Variants in ATF7IP observed in about 807,000 individuals in gnomAD.
ATF7IP encodes the protein activating transcription factor 7 interacting protein.
In ATF7IP, 23 loss-of-function variants were observed where a neutral mutation model predicts 106.4. That is an observed-to-expected ratio of 0.22 (90% CI 0.16 to 0.31). The LOEUF is 0.31. Among genes scored for constraint, ATF7IP ranks in the 10% least tolerant of loss-of-function variants. ATF7IP has a pLI of 1.00. For synonymous variants in ATF7IP, 542 were observed against 539.0 expected (o/e 1.01, Z -0.08); for missense variants, 1,334 against 1,524.3 (o/e 0.88, Z 2.08).
chr12:14,399,339 TG>T (rs979868234), intron 1 of ATF7IP, among the ~76,000 whole-genome samples: 2 of 152,000 alleles, frequency 1.3e-5, no homozygotes, highest in Admixed American at 6.5e-5. Flanking sequence ...TTGAGGATAT[TG>T]TTTTTTTTTT....
rs751757758 is a variant in ATF7IP, at chr12:14,461,073, A to G, written c.2737A>G (p.Ile913Val). The G allele has an allele frequency of 8.1e-6, 13 of 1,614,014 alleles. No homozygotes were observed. Among genetic ancestry groups the G allele is most frequent in the African/African-American group, 2.7e-5 (2 of 74,920 alleles). Residue 913 changes from isoleucine to valine, a missense_variant, in exon 9 of 15, where the codon ATT becomes GTT. Physicochemically the swap from Ile to Val is conservative, Grantham distance 29. Coordinates refer to ENST00000261168, the MANE Select transcript of ATF7IP (RefSeq NM_018179.5). ...NRGPIQMKIPISAFSTSSAAE... is the reference protein window; with the variant it reads ...NRGPIQMKIPVSAFSTSSAAE... Reference sequence around the variant, plus strand: ...AGGTCCTATACAGATGAAAATTCCAATTTCTGCATTTAGTACTTCGTCTGC... The same window carrying G: ...AGGTCCTATACAGATGAAAATTCCAGTTTCTGCATTTAGTACTTCGTCTGC...
At chr12:14,472,743 C>G (rs1210655609) in intron 10 of ATF7IP, among the ~76,000 whole-genome samples, 1 of 152,120 alleles carries the variant, frequency 6.6e-6, no homozygotes. Context: ...TGCATATATT[C>G]TTATGTCTGG....
intron 1 of ATF7IP, among the ~76,000 whole-genome samples, chr12:14,394,501 G>A (rs1263712372): frequency 1.3e-5 from 2 of 152,132 alleles, no homozygotes; most frequent in Non-Finnish European, 2.9e-5. Flanking sequence ...TACATGTTGG[G>A]GAACGAATGG....
intron 1 of ATF7IP, among the ~76,000 whole-genome samples, chr12:14,421,450 G>T (rs1941501050): frequency 6.6e-6 from 1 of 152,202 alleles, no homozygotes; most frequent in Non-Finnish European, 1.5e-5. Context: ...GCTGAGGGAA[G>T]GATCTGTTCC....
chr12:14,466,236 G>C (rs1456412205), intron 9 of ATF7IP: 2 of 264,240 alleles, frequency 7.6e-6, no homozygotes, highest in African/African-American at 4.5e-5. Flanking sequence ...CCTCATGTTA[G>C]AACATTTAAG....
At chr12:14,486,026 C>T (rs1048269342) in intron 13 of ATF7IP, among the ~76,000 whole-genome samples, 1 of 152,176 alleles carries the variant, frequency 6.6e-6, no homozygotes, top group African/African-American at 2.4e-5. Flanking sequence ...GCTCTAATGG[C>T]TTCCATTTGA....
At chr12:14,488,743 A>G (rs1200601448) in intron 13 of ATF7IP, among the ~76,000 whole-genome samples, 2 of 152,334 alleles carry the variant, frequency 1.3e-5, no homozygotes, top group South Asian at 2.1e-4. Context: ...ACTTATGCCT[A>G]ACATAATACA....
rs919367020 is a variant in ATF7IP at position 14,502,236 on chromosome 12, G to A, written c.*4163G>A. 2 of 152,042 alleles carry A rather than the reference G, an allele frequency of 1.3e-5. No homozygotes were observed. Among genetic ancestry groups the A allele is most frequent in the Non-Finnish European group, 2.9e-5 (2 of 68,014 alleles). 9.4% of individuals were successfully genotyped at this position (152,042 alleles called of 1,614,324 possible). A position where few individuals can be genotyped will look rare whatever the true frequency, so the allele number is the denominator to read the frequency against. On this transcript the variant is annotated 3_prime_UTR_variant, in exon 15 of 15. Transcript: ENST00000261168. Reference sequence around the variant, plus strand: ...TTCTACCTTCCTTACTATTTTTACTGGGCAAATGCCCTATTTTTTTAATTA... The same window carrying A: ...TTCTACCTTCCTTACTATTTTTACTAGGCAAATGCCCTATTTTTTTAATTA...
chr12:14,376,392 G>A (rs777107616), intron 1 of ATF7IP, among the ~76,000 whole-genome samples: 6 of 152,092 alleles, frequency 3.9e-5, no homozygotes, highest in African/African-American at 7.2e-5. Flanking sequence ...TTTCCGATTT[G>A]GTATATTTTC....
At chr12:14,497,067 T>C (rs1174666529) in intron 14 of ATF7IP, among the ~76,000 whole-genome samples, 1 of 152,226 alleles carries the variant, frequency 6.6e-6, no homozygotes, top group Non-Finnish European at 1.5e-5. Flanking sequence ...TTGCTCATGC[T>C]TTATTTTTGG....
intron 13 of ATF7IP, among the ~76,000 whole-genome samples, chr12:14,494,071 A>T (rs757310256): frequency 2.0e-5 from 3 of 151,580 alleles, no homozygotes; most frequent in Non-Finnish European, 4.4e-5. Context: ...ATTTTGCATA[A>T]CCCTCTAAAC....
At chr12:14,368,285 C>G (rs184197731) in intron 1 of ATF7IP, among the ~76,000 whole-genome samples, 179 of 152,074 alleles carry the variant, frequency 1.2e-3, no homozygotes, top group African/African-American at 4.1e-3. Flanking sequence ...AATTTCATTT[C>G]TACTCTTTTA....
Position 14,492,387 on chromosome 12 carries a change from TG to T in ATF7IP, c.3281-3840del, listed in dbSNP as rs530809938. On this transcript the variant is annotated intron_variant, in intron 13 of 14. Coordinates refer to ENST00000261168, the MANE Select transcript of ATF7IP (RefSeq NM_018179.5). ...CCTGGTAAAAGGCCAGAGATCTCCT[TG>T]GGGAAGGATGGGAGAAAGATTCACT... Among the ~76,000 whole-genome samples the T allele has an allele frequency of 1.4e-4, 22 of 152,144 alleles. No individual in the cohort carries two copies. In the East Asian group the frequency reaches 3.7e-3, roughly 25 times the overall value.
intron 1 of ATF7IP, among the ~76,000 whole-genome samples, chr12:14,403,488 G>A (rs1940373647): frequency 6.6e-6 from 1 of 152,126 alleles, no homozygotes; most frequent in Non-Finnish European, 1.5e-5. Context: ...TCTAAGCACT[G>A]TTCTTTGCAC....
chr12:14,404,099 A>T (rs954480004), intron 1 of ATF7IP, among the ~76,000 whole-genome samples: 3 of 150,678 alleles, frequency 2.0e-5, no homozygotes, highest in African/African-American at 7.3e-5. Flanking sequence ...CAGGAAGACA[A>T]TATGGGCATC....
intron 1 of ATF7IP, among the ~76,000 whole-genome samples, chr12:14,376,827 G>A (rs1938755191): frequency 6.6e-6 from 1 of 152,150 alleles, no homozygotes; most frequent in South Asian, 2.1e-4. Context: ...TTGGGAGGCT[G>A]AGGCAGGAGA....
In ATF7IP at chr12:14,374,033, AT is replaced by A. The variant is rs35072695; in HGVS notation, c.-8+8215del. On this transcript the variant is annotated intron_variant, in intron 1 of 14. Transcript: ENST00000261168. ...TTTATGTTTGCATTATTTTATCCAGATTTTTTTTTCTCTGTTTATAACTGTA... is the reference window on the plus strand; with the variant it reads ...TTTATGTTTGCATTATTTTATCCAGATTTTTTTTCTCTGTTTATAACTGTA... Among the ~76,000 whole-genome samples, 72 of 149,930 alleles carry A rather than the reference AT, an allele frequency of 4.8e-4. 2 individuals are homozygous for A. The highest frequency in any genetic ancestry group is 8.8e-4 in the African/African-American group (36 of 40,726).
intron 5 of ATF7IP, among the ~76,000 whole-genome samples, chr12:14,440,086 G>A (rs10772783): frequency 0.54 from 82,687 of 151,942 alleles, 23,016 homozygotes; most frequent in African/African-American, 0.65. Context: ...AAATCTTCCC[G>A]TTGTTCCTCT....
chr12:14,376,248 C>T (rs894829015), intron 1 of ATF7IP, among the ~76,000 whole-genome samples: 1 of 152,172 alleles, frequency 6.6e-6, no homozygotes, highest in Non-Finnish European at 1.5e-5. Context: ...CCTCCTTGCC[C>T]TCCTTTAAAA....
Sources: gnomAD v4.1 joint callset for allele counts (sites outside exome capture counted in the v4.1 genomes callset) on GRCh38, gnomAD v4.1.1 for gene constraint, MANE v1.5 for transcripts, NCBI Gene and HGNC (gene_info 2026-07-23, HGNC 2026-07-21) for gene names.